The following FBN2 variants were observed in gnomAD, a reference collection of about 807,000 sequenced individuals.
FBN2 encodes the protein fibrillin-2.
A neutral mutation model predicts 355.6 loss-of-function variants in FBN2; 105 were observed. The observed-to-expected ratio is 0.30, with a 90% CI of 0.25 to 0.35. The LOEUF is 0.35. Ranked by LOEUF, FBN2 falls within the 10% of genes least tolerant of loss-of-function variation. FBN2 has a pLI of 1.00. For synonymous variants in FBN2, 1,350 were observed against 1,301.2 expected (o/e 1.04, Z -0.81); for missense variants, 3,280 against 3,758.7 (o/e 0.87, Z 3.33).
chr5:128,442,169 AACTCTTCAAACT>A (rs1263681681), intron 7 of FBN2: 1 of 365,730 alleles, frequency 2.7e-6, no homozygotes, highest in African/African-American at 2.1e-5. Context: ...CAAAGCTGAA[AACTCTTCAAACT>A]AAATTGCAAA....
intron 7 of FBN2, among the ~76,000 whole-genome samples, chr5:128,413,141 T>C (rs1339089311): frequency 6.6e-6 from 1 of 152,202 alleles, no homozygotes; most frequent in Non-Finnish European, 1.5e-5. Flanking sequence ...GCTAAAAATT[T>C]GGGTATGAAA....
chr5:128,285,968 A>C (rs1470294047), intron 55 of FBN2, among the ~76,000 whole-genome samples: 1 of 152,220 alleles, frequency 6.6e-6, no homozygotes, highest in Non-Finnish European at 1.5e-5. Context: ...TTTCATGTAC[A>C]GTAAGAAGAC....
At chr5:128,401,642 G>A (rs1233494601) in intron 8 of FBN2, among the ~76,000 whole-genome samples, 7 of 152,100 alleles carry the variant, frequency 4.6e-5, no homozygotes, top group African/African-American at 1.2e-4. Context: ...TTAGCCCAGC[G>A]TGGTGGCACG....
At chr5:128,281,542 G>A (rs192312725) in intron 55 of FBN2, among the ~76,000 whole-genome samples, 2 of 152,154 alleles carry the variant, frequency 1.3e-5, no homozygotes, top group Admixed American at 1.3e-4. Flanking sequence ...TAGAAGTTTT[G>A]GTTTGTTAGA....
intron 47 of FBN2, 87 bp downstream of exon 47, chr5:128,301,295 T>C (rs1749708826): frequency 2.5e-6 from 3 of 1,179,780 alleles, no homozygotes; most frequent in South Asian, 2.5e-5. Context: ...GAAATATTAA[T>C]GAGTTCTTAA....
At chr5:128,288,997 G>A in intron 52 of FBN2, 130 bp downstream of exon 52, 1 of 889,316 alleles carries the variant, frequency 1.1e-6, no homozygotes, top group Non-Finnish European at 1.8e-6. Flanking sequence ...TGGTGAAGAA[G>A]GTGCCACTAC....
chr5:128,347,824 G>T (rs1020161960), intron 23 of FBN2, among the ~76,000 whole-genome samples: 3 of 151,954 alleles, frequency 2.0e-5, no homozygotes, highest in South Asian at 2.1e-4. Context: ...TGTTGCCAAG[G>T]CTAGGGTATA....
chr5:128,524,558 G>C (rs542772616), intron 4 of FBN2, among the ~76,000 whole-genome samples: 1 of 152,216 alleles, frequency 6.6e-6, no homozygotes, highest in South Asian at 2.1e-4. Flanking sequence ...CAGCTAAGCA[G>C]TCTAAATGTT....
chr5:128,513,976 A>T (rs1756205329), intron 5 of FBN2, among the ~76,000 whole-genome samples: 1 of 151,972 alleles, frequency 6.6e-6, no homozygotes, highest in African/African-American at 2.4e-5. Context: ...TAGCTTAGAG[A>T]GTGCAAGGTT....
At position 128,259,068 on chromosome 5, in the gene FBN2, C is replaced by A. The variant is rs1764889420; in HGVS notation, c.*387G>T. ...TATTACTGCATTAAAAATAAATAAA[C>A]ATCTATATTTTTTTAATTAGCAACT... On this transcript the variant is annotated 3_prime_UTR_variant, in exon 65 of 65. Coordinates refer to ENST00000262464, the MANE Select transcript of FBN2 (RefSeq NM_001999.4). The A allele has an allele frequency of 5.8e-6, 1 of 171,348 alleles. No homozygotes were observed. Among genetic ancestry groups the A allele is most frequent in the Admixed American group, 5.6e-5 (1 of 17,982 alleles). 10.6% of individuals were successfully genotyped at this position (171,348 alleles called of 1,614,324 possible).
intron 7 of FBN2, among the ~76,000 whole-genome samples, chr5:128,410,036 T>TA (rs1447226845): frequency 6.6e-6 from 1 of 152,142 alleles, no homozygotes; most frequent in African/African-American, 2.4e-5. Flanking sequence ...CATGTTCTTA[T>TA]AAAAAAAGTT....
chr5:128,511,967 C>T (rs999425971), intron 5 of FBN2, among the ~76,000 whole-genome samples: 1 of 151,996 alleles, frequency 6.6e-6, no homozygotes, highest in Non-Finnish European at 1.5e-5. Flanking sequence ...TTCAAAAGAC[C>T]AGTTAAGTAA....
chr5:128,297,776 T>A (rs60681156), intron 48 of FBN2, among the ~76,000 whole-genome samples: 7,147 of 152,268 alleles, frequency 0.047, 585 homozygotes, highest in African/African-American at 0.16. Flanking sequence ...CTGATGGGTC[T>A]TGAGTCTTTA....
In FBN2 at chr5:128,464,728, G is replaced by A; in HGVS notation, c.822C>T (p.Cys274=). The change falls in exon 6 of 65, where the codon TGC becomes TGT. Residue 274 remains cysteine, a synonymous_variant. Transcript: ENST00000262464. ...GFIPNIRTGA[C]QDVDECQAIP... ...ACAGGCAGACAGCTGACTCACCTTG[G>A]CAAGCTCCAGTGCGGATGTTGGGGA... 6.2e-7 allele frequency: 1 copy of A among 1,613,102 alleles called. No homozygotes were observed. The highest frequency in any genetic ancestry group is 8.5e-7 in the Non-Finnish European group (1 of 1,179,894).
At chr5:128,296,601 C>G (rs1001080378) in intron 48 of FBN2, among the ~76,000 whole-genome samples, 1 of 152,034 alleles carries the variant, frequency 6.6e-6, no homozygotes, top group Non-Finnish European at 1.5e-5. Flanking sequence ...TCCATTTCTT[C>G]TAGATTTTCT....
chr5:128,329,736 TGA>T (rs1581219964), intron 33 of FBN2, among the ~76,000 whole-genome samples: 2 of 152,344 alleles, frequency 1.3e-5, no homozygotes, highest in East Asian at 3.9e-4. Flanking sequence ...TTGAAAATGA[TGA>T]GGCTGCATTT....
chr5:128,310,407 T>A (rs1463372668), intron 39 of FBN2, among the ~76,000 whole-genome samples: 50 of 10,292 alleles, frequency 4.9e-3, no homozygotes, highest in African/African-American at 9.9e-3. Flanking sequence ...TATATATTTT[T>A]TTTTTTTTTT....
chr5:128,396,166 GAA>G (rs1752644560), intron 8 of FBN2, among the ~76,000 whole-genome samples: 1 of 152,176 alleles, frequency 6.6e-6, no homozygotes, highest in Admixed American at 6.5e-5. Context: ...GGGTATGGAA[GAA>G]AGAGAGTCTT....
At chr5:128,490,931 T>C (rs767117876) in intron 5 of FBN2, among the ~76,000 whole-genome samples, 2 of 152,222 alleles carry the variant, frequency 1.3e-5, no homozygotes, top group Non-Finnish European at 2.9e-5. Flanking sequence ...GAATGCATTT[T>C]TTCCTTCCAA....
Sources: allele counts gnomAD v4.1 joint callset (sites outside exome capture counted in the v4.1 genomes callset), GRCh38; gene constraint gnomAD v4.1.1; transcripts MANE v1.5; gene names NCBI Gene and HGNC (gene_info 2026-07-23, HGNC 2026-07-21).